The following JAG2 variants were observed in gnomAD, a reference collection of about 807,000 sequenced individuals.
The protein encoded by JAG2 is jagged canonical Notch ligand 2.
In JAG2, 46 loss-of-function variants were observed where a neutral mutation model predicts 141.7. That is an observed-to-expected ratio of 0.32 (90% CI 0.26 to 0.42). The LOEUF (loss-of-function observed/expected upper bound fraction) is 0.42, where lower values mean the gene tolerates loss of function less well. JAG2 is among the 10% of genes least tolerant of loss of function. The pLI is 1.00. For missense variants in JAG2, 1,500 were observed against 1,817.5 expected (o/e 0.83, Z 3.18); for synonymous variants, 862 against 763.5 (o/e 1.13, Z -2.13).
intron 2 of JAG2, among the ~76,000 whole-genome samples, chr14:105,163,233 A>G (rs762182595): frequency 4.5e-4 from 69 of 152,124 alleles, no homozygotes; most frequent in Non-Finnish European, 7.2e-4. Context: ...CTCTGCCACC[A>G]TTGTCACCCG....
intron 5 of JAG2, 87 bp downstream of exon 5, chr14:105,155,475 G>A: frequency 1.3e-6 from 2 of 1,491,530 alleles, no homozygotes; most frequent in African/African-American, 1.4e-5. Context: ...CCAGCTCCGG[G>A]CGACTCCTGA....
rs1167637054 is a variant in JAG2 at position 105,153,500 on chromosome 14, G to A, written c.789-1209C>T. ...TCGTGGGTCCCAAGGGCGTGCTCTC[G>A]ACCCTGGGCAGGGCAGCCCACACCA... On this transcript the variant is annotated intron_variant, in intron 5 of 25. Transcript: ENST00000331782. Among the ~76,000 whole-genome samples the A allele has an allele frequency of 1.3e-5, 2 of 152,202 alleles. 1 individual carries two copies. Among genetic ancestry groups the A allele is most frequent in the East Asian group, 3.8e-4 (2 of 5,198 alleles).
chr14:105,142,133 G>A lies in JAG2; in HGVS notation c.*562C>T, dbSNP rs1001936678. The A allele has an allele frequency of 3.9e-5, 6 of 154,182 alleles. No homozygotes were observed. Among genetic ancestry groups the A allele is most frequent in the Middle Eastern group, 2.7e-3 (1 of 368 alleles). The allele number at this position is 154,182 out of a possible 1,614,324, so 9.6% of individuals were successfully genotyped here. ...ACAGGTGCGTCAACAGCCACGGGCC[G>A]TGCCGGCAGCCAGGGCCACATCAAT... On this transcript the variant is annotated 3_prime_UTR_variant, in exon 26 of 26. Transcript: ENST00000331782.
chr14:105,145,712 A>C lies in JAG2; in HGVS notation c.2952+19T>G. On this transcript the variant is annotated intron_variant, in intron 23 of 25. Coordinates refer to ENST00000331782, the MANE Select transcript of JAG2 (RefSeq NM_002226.5). Reference sequence around the variant, plus strand: ...CGGCGTGTGGCCTCTGCAAGCTCAGATGCCACCAGGCCCCTCACCTGGGGC... The same window carrying C: ...CGGCGTGTGGCCTCTGCAAGCTCAGCTGCCACCAGGCCCCTCACCTGGGGC... The C allele has an allele frequency of 2.5e-6, 4 of 1,582,818 alleles. No individual in the cohort carries two copies. Among genetic ancestry groups the C allele is most frequent in the Non-Finnish European group, 3.4e-6 (4 of 1,165,192 alleles).
intron 2 of JAG2, among the ~76,000 whole-genome samples, chr14:105,158,583 C>T (rs972301107): frequency 5.3e-5 from 8 of 152,118 alleles, no homozygotes; most frequent in African/African-American, 1.4e-4. Flanking sequence ...CCACGGAGAC[C>T]GTCACTCACA....
Position 105,144,932 on chromosome 14 carries a change from C to T in JAG2, c.3082G>A (p.Val1028Met), listed in dbSNP as rs773304550. The T allele has an allele frequency of 1.0e-5, 16 of 1,598,696 alleles. No individual in the cohort carries two copies. Among genetic ancestry groups the T allele is most frequent in the South Asian group, 7.8e-5 (7 of 89,750 alleles). ...GCTGCTCCCCACTGGGCACTCACCA[C>T]GGCCACCTCCACAGCACTGGCCCCC... ...SSGASAVEVA[V>M]SFSPARDLPD... The change falls in exon 24 of 26, where the codon GTG (valine) becomes ATG (methionine). Residue 1028 changes from valine (V) to methionine (M), a missense_variant and splice_region_variant. This residue lies in a region of JAG2 where 425 missense variants were observed against 441.0 expected (regional missense o/e 0.96). Transcript: ENST00000331782.
At chr14:105,160,699 C>T (rs1286354027) in intron 2 of JAG2, among the ~76,000 whole-genome samples, 1 of 151,982 alleles carries the variant, frequency 6.6e-6, no homozygotes, top group African/African-American at 2.4e-5. Context: ...CTCATCTCTA[C>T]TAAAAATATA....
At chr14:105,151,770 G>A in intron 7 of JAG2, 31 bp from the exon 8 acceptor site, 1 of 1,598,342 alleles carries the variant, frequency 6.3e-7, no homozygotes, top group Non-Finnish European at 8.5e-7. Context: ...GGCAGAGCTG[G>A]CAGCCAGGCC....
chr14:105,147,708 CGGG>C (rs1317773159), intron 18 of JAG2, 61 bp downstream of exon 18: 1 of 1,245,918 alleles, frequency 8.0e-7, no homozygotes, highest in Non-Finnish European at 1.1e-6. Context: ...GGGGGCGAGT[CGGG>C]GGCAGGGATG....
intron 24 of JAG2, 33 bp from the exon 25 acceptor site, chr14:105,143,671 C>G (rs760661306): frequency 1.2e-6 from 2 of 1,600,394 alleles, no homozygotes; most frequent in South Asian, 1.1e-5. Context: ...GGGGATGGCT[C>G]GAGGGCTCCA....
intron 22 of JAG2, 127 bp from the exon 23 acceptor site, chr14:105,146,100 C>G: frequency 1.4e-6 from 2 of 1,444,874 alleles, no homozygotes; most frequent in Non-Finnish European, 1.9e-6. Flanking sequence ...AGTCTGTGAG[C>G]CCCAGGGCCC....
At chr14:105,144,395 C>T (rs1347201291) in intron 24 of JAG2, among the ~76,000 whole-genome samples, 1 of 152,112 alleles carries the variant, frequency 6.6e-6, no homozygotes, top group East Asian at 1.9e-4. Flanking sequence ...AAACACTGCA[C>T]GTCCTTCCTG....
At chr14:105,143,198 G>A (rs1888117127) in intron 25 of JAG2, 28 bp from the exon 26 acceptor site, 2 of 1,587,012 alleles carry the variant, frequency 1.3e-6, no homozygotes, top group Non-Finnish European at 1.7e-6. Flanking sequence ...GAGCCGGTGG[G>A]CAATGAGGCC....
intron 2 of JAG2, among the ~76,000 whole-genome samples, chr14:105,163,269 A>G (rs895798693): frequency 1.3e-5 from 2 of 152,172 alleles, no homozygotes; most frequent in Admixed American, 1.3e-4. Context: ...GGTGGGGGCA[A>G]ACACCATCCC....
At chr14:105,160,710 A>G (rs773909055) in intron 2 of JAG2, among the ~76,000 whole-genome samples, 5 of 152,052 alleles carry the variant, frequency 3.3e-5, no homozygotes, top group Non-Finnish European at 7.4e-5. Flanking sequence ...TAAAAATATA[A>G]AAATTAGCCA....
rs939614949 is a variant in JAG2 at position 105,150,612 on chromosome 14, G to A, written c.1594C>T (p.Leu532Phe). ...CHCPQGFSGP[L>F]CEVDVDLCEP... ...GACCAGGCAGACCTCACCTCACAGA[G>A]AGGCCCGGAGAAGCCCTGGGGGCAG... is the stretch of plus-strand genomic sequence containing the variant. Residue 532 changes from leucine (L) to phenylalanine (F), a missense_variant, in exon 12 of 26, where the codon CTC (leucine) becomes TTC (phenylalanine). Coordinates refer to ENST00000331782, the MANE Select transcript of JAG2 (RefSeq NM_002226.5). The A allele has an allele frequency of 5.4e-5, 84 of 1,548,210 alleles. No homozygotes were observed. Among genetic ancestry groups the A allele is most frequent in the Non-Finnish European group, 6.5e-5 (75 of 1,145,900 alleles).
In JAG2 at chr14:105,142,553, G is replaced by A; in HGVS notation, c.*142C>T. On this transcript the variant is annotated 3_prime_UTR_variant, in exon 26 of 26. Transcript: ENST00000331782. ...ATTTATACAAGGTTAAAGAAACGTA[G>A]AAAATAAACATTTGGTTTTTGTTTT... 1 of 633,104 alleles carries A rather than the reference G, an allele frequency of 1.6e-6. No homozygotes were observed. The highest frequency in any genetic ancestry group is 2.7e-6 in the Non-Finnish European group (1 of 365,650). 39.2% of individuals were successfully genotyped at this position (633,104 alleles called of 1,614,324 possible).
chr14:105,163,614 C>T (rs1888823360), intron 2 of JAG2, among the ~76,000 whole-genome samples: 4 of 147,440 alleles, frequency 2.7e-5, no homozygotes, highest in Non-Finnish European at 4.5e-5. Flanking sequence ...GGCCTCCGCT[C>T]AGGCCTGTGG....
chr14:105,163,844 C>T (rs1317704484), intron 2 of JAG2, among the ~76,000 whole-genome samples: 2 of 151,624 alleles, frequency 1.3e-5, no homozygotes, highest in Non-Finnish European at 2.9e-5. Flanking sequence ...CCAATCAGGC[C>T]TAGGGTCTGG....
Sources: allele counts gnomAD v4.1 joint callset (sites outside exome capture counted in the v4.1 genomes callset), GRCh38; gene constraint gnomAD v4.1.1; regional missense constraint gnomAD v4.1.1; transcripts MANE v1.5; gene names NCBI Gene and HGNC (gene_info 2026-07-23, HGNC 2026-07-21).